The following NME7 variants were observed in gnomAD, a reference collection of about 807,000 sequenced individuals.
NME7 encodes the protein nucleoside diphosphate kinase 7.
Under a neutral mutation model 49.1 loss-of-function variants are expected in NME7, and 41 were observed. The observed-to-expected ratio is 0.83, with a 90% CI of 0.65 to 1.08. The LOEUF is 1.08. NME7 is among the 50% of genes least tolerant of loss of function. NME7 has a pLI of 0.00. For missense variants in NME7, 423 were observed against 463.4 expected (o/e 0.91, Z 0.80); for synonymous variants, 139 against 150.6 (o/e 0.92, Z 0.56).
chr1:169,260,180 A>C lies in NME7; in HGVS notation c.755-22493T>G, dbSNP rs1305725237. ...CCATAGGTTTTCTAGAGTAAGTAAG[A>C]TGTGTGAATATATAGAAAAGCAAAG... is the stretch of plus-strand genomic sequence containing the variant. On this transcript the variant is annotated intron_variant, in intron 7 of 11. Coordinates refer to ENST00000367811, the MANE Select transcript of NME7 (RefSeq NM_013330.5). Among the ~76,000 whole-genome samples the C allele has an allele frequency of 4.5e-5, 6 of 133,742 alleles. 2 individuals carry two copies. The highest frequency in any genetic ancestry group is 1.1e-4 in the Non-Finnish European group (6 of 56,850). 87.7% of individuals were successfully genotyped at this position (133,742 alleles called of 152,430 possible). A position where few individuals can be genotyped will look rare whatever the true frequency, so the allele number is the denominator to read the frequency against.
At chr1:169,218,802 T>C (rs1288245302) in intron 10 of NME7, among the ~76,000 whole-genome samples, 2 of 151,766 alleles carry the variant, frequency 1.3e-5, no homozygotes, top group East Asian at 1.9e-4. Context: ...GTAATCTCAG[T>C]GTTTATCATT....
chr1:169,324,254 A>C, intron 2 of NME7, 139 bp downstream of exon 2: 1 of 480,456 alleles, frequency 2.1e-6, no homozygotes, highest in Non-Finnish European at 3.7e-6. Context: ...ATAATGAATA[A>C]GTTTAAAAAG....
chr1:169,342,153 T>G (rs1652731138), intron 1 of NME7, among the ~76,000 whole-genome samples: 1 of 152,192 alleles, frequency 6.6e-6, no homozygotes, highest in East Asian at 1.9e-4. Flanking sequence ...AATCCCCACA[T>G]GTTGAGGCAG....
In NME7 at chr1:169,325,625, T is replaced by A. The variant is rs191058096; in HGVS notation, c.4-1125A>T. On this transcript the variant is annotated intron_variant, in intron 1 of 11. Coordinates refer to ENST00000367811, the MANE Select transcript of NME7 (RefSeq NM_013330.5). ...TAGGGAAGAAGGGAATCTAGGAGTT[T>A]TATTGCTAATTCTGGATTTGCCATC... Among the ~76,000 whole-genome samples the A allele has an allele frequency of 8.8e-4, 134 of 152,294 alleles. 1 individual carries two copies. Among genetic ancestry groups the A allele is most frequent in the African/African-American group, 3.1e-3 (128 of 41,560 alleles).
At chr1:169,190,509 C>T (rs1660186743) in intron 10 of NME7, 2 of 267,932 alleles carry the variant, frequency 7.5e-6, no homozygotes, top group Admixed American at 5.5e-5. Flanking sequence ...GACTCTTTTC[C>T]ATAATTTTTC....
intron 11 of NME7, among the ~76,000 whole-genome samples, chr1:169,140,949 T>C (rs1658575473): frequency 6.6e-6 from 1 of 152,180 alleles, no homozygotes. Flanking sequence ...ACACTTCTGA[T>C]GTCCACTGGG....
At chr1:169,266,379 G>A (rs979831403) in intron 7 of NME7, among the ~76,000 whole-genome samples, 6 of 132,616 alleles carry the variant, frequency 4.5e-5, no homozygotes, top group African/African-American at 1.5e-4. Context: ...TGCAGAAAAA[G>A]CCTTTGATAA....
intron 10 of NME7, among the ~76,000 whole-genome samples, chr1:169,223,005 T>C (rs1163883840): frequency 1.3e-5 from 2 of 152,214 alleles, no homozygotes; most frequent in Non-Finnish European, 2.9e-5. Flanking sequence ...TAATGTCATT[T>C]ATGGCCAAAG....
chr1:169,184,500 C>T (rs57703397), intron 10 of NME7, among the ~76,000 whole-genome samples: 2,196 of 152,258 alleles, frequency 0.014, 46 homozygotes, highest in African/African-American at 0.048. Context: ...TCCCTCTCAA[C>T]TCAGTTTTTC....
At chr1:169,257,528 C>G (rs533859880) in intron 7 of NME7, among the ~76,000 whole-genome samples, 1 of 133,854 alleles carries the variant, frequency 7.5e-6, no homozygotes, top group Non-Finnish European at 1.8e-5. Context: ...CCGTCTTCTG[C>G]GTCGCTCACG....
rs1335147058 is a variant in NME7 at position 169,269,120 on chromosome 1, T to C, written c.754+18183A>G. Among the ~76,000 whole-genome samples the C allele has an allele frequency of 1.1e-4, 15 of 133,800 alleles. 1 individual carries two copies. The highest frequency in any genetic ancestry group is 3.0e-4 in the African/African-American group (12 of 39,532). 87.8% of individuals were successfully genotyped at this position (133,800 alleles called of 152,430 possible). ...CTTCCTCAAAATTAGGATTCTTTTG[T>C]AGGGACTAACAGAACTCTTGAGATT... is the stretch of plus-strand genomic sequence containing the variant. On this transcript the variant is annotated intron_variant, in intron 7 of 11. Coordinates refer to ENST00000367811, the MANE Select transcript of NME7 (RefSeq NM_013330.5).
Position 169,197,797 on chromosome 1 carries a change from G to C in NME7, c.991-28243C>G, listed in dbSNP as rs569718086. Among the ~76,000 whole-genome samples the C allele has an allele frequency of 6.8e-4, 103 of 152,118 alleles. 1 individual carries two copies. Among genetic ancestry groups the C allele is most frequent in the African/African-American group, 2.3e-3 (95 of 41,536 alleles). Reference sequence around the variant, plus strand: ...TAGGAGTAAAACCTTTATGATGCTGGCTTTGACAAAGGATTCTCAGATATG... The same window carrying C: ...TAGGAGTAAAACCTTTATGATGCTGCCTTTGACAAAGGATTCTCAGATATG... On this transcript the variant is annotated intron_variant, in intron 10 of 11. Transcript: ENST00000367811.
At chr1:169,325,717 G>T (rs1398818172) in intron 1 of NME7, among the ~76,000 whole-genome samples, 2 of 152,052 alleles carry the variant, frequency 1.3e-5, no homozygotes, top group Admixed American at 1.3e-4. Context: ...AAATTCTAAT[G>T]GTAGAAGTTG....
intron 1 of NME7, among the ~76,000 whole-genome samples, chr1:169,344,336 A>G (rs1236828735): frequency 6.6e-6 from 1 of 152,192 alleles, no homozygotes; most frequent in Non-Finnish European, 1.5e-5. Context: ...CTCTGTGAAT[A>G]AAGGCAGTTT....
intron 3 of NME7, among the ~76,000 whole-genome samples, chr1:169,319,525 G>A (rs1316871095): frequency 1.3e-5 from 2 of 152,106 alleles, no homozygotes; most frequent in African/African-American, 4.8e-5. Context: ...TCCAAGCACA[G>A]GTCTCATCTA....
At chr1:169,335,963 C>A (rs1652451530) in intron 1 of NME7, among the ~76,000 whole-genome samples, 1 of 151,882 alleles carries the variant, frequency 6.6e-6, no homozygotes, top group African/African-American at 2.4e-5. Context: ...GGTTCTTGGT[C>A]TCACCGACTT....
At chr1:169,308,894 A>T (rs752400182) in intron 4 of NME7, among the ~76,000 whole-genome samples, 15 of 152,106 alleles carry the variant, frequency 9.9e-5, no homozygotes, top group Non-Finnish European at 1.9e-4. Flanking sequence ...ATAAATAGGT[A>T]TATTTGCCTA....
At chr1:169,280,102 T>G (rs1289336960) in intron 7 of NME7, among the ~76,000 whole-genome samples, 1 of 152,180 alleles carries the variant, frequency 6.6e-6, no homozygotes. Flanking sequence ...GTTCCCATTT[T>G]TCCACAACCT....
intron 7 of NME7, chr1:169,285,577 G>A (rs1650248793): frequency 6.7e-6 from 1 of 148,280 alleles, no homozygotes; most frequent in African/African-American, 2.5e-5. Flanking sequence ...AACAAACAGG[G>A]TTTGCATCCT....
Sources: allele counts gnomAD v4.1 joint callset (sites outside exome capture counted in the v4.1 genomes callset), GRCh38; gene constraint gnomAD v4.1.1; transcripts MANE v1.5; gene names NCBI Gene and HGNC (gene_info 2026-07-23, HGNC 2026-07-21).